Variants in LRCH3 observed in about 807,000 individuals in gnomAD.
The protein encoded by LRCH3 is DISP complex protein LRCH3.
In LRCH3, 68 loss-of-function variants were observed where a neutral mutation model predicts 104.5. The ratio of observed to expected loss-of-function variants is 0.65; its 90% CI spans 0.54 to 0.80. The LOEUF (loss-of-function observed/expected upper bound fraction) is 0.80. Ranked by LOEUF, LRCH3 falls within the 30% of genes least tolerant of loss-of-function variation. The pLI, the probability that LRCH3 is intolerant of heterozygous loss-of-function variation, is 0.00. For synonymous variants in LRCH3, 344 were observed against 361.3 expected (o/e 0.95, Z 0.54); for missense variants, 951 against 953.9 (o/e 1.00, Z 0.04).
chr3:197,820,469 T>C (rs1435545365), intron 4 of LRCH3, 39 bp downstream of exon 4: 2 of 1,327,252 alleles, frequency 1.5e-6, no homozygotes, highest in Admixed American at 3.6e-5. Flanking sequence ...AAATAATTGT[T>C]TTATTATTTT....
At chr3:197,802,583 G>A (rs1732020547) in intron 1 of LRCH3, among the ~76,000 whole-genome samples, 1 of 152,150 alleles carries the variant, frequency 6.6e-6, no homozygotes, top group Admixed American at 6.5e-5. Context: ...GAGAAGGATT[G>A]TTATTAGTTC....
chr3:197,873,393 G>T (rs1435231086), intron 19 of LRCH3, among the ~76,000 whole-genome samples: 2 of 152,114 alleles, frequency 1.3e-5, no homozygotes, highest in African/African-American at 4.8e-5. Context: ...CTTCCCTTAA[G>T]CCCATAGCCA....
In LRCH3 at chr3:197,862,438, G is replaced by A. The variant is rs1365935324; in HGVS notation, c.1717-2985G>A. Among the ~76,000 whole-genome samples the A allele has an allele frequency of 3.3e-5, 5 of 149,684 alleles. No homozygotes were observed. In the East Asian group the frequency reaches 9.7e-4, roughly 29 times the overall value. On this transcript the variant is annotated intron_variant, in intron 15 of 20. Transcript: ENST00000425562. ...ATTTCTAGTCTATGTCCTGTTAATA[G>A]GAAGTGTTTTTTAAATTTCTAGTCT...
rs1353762036 is a variant in LRCH3, at chr3:197,856,067, A to G, written c.1644+1622A>G. 6.6e-6 allele frequency among the ~76,000 whole-genome samples: 1 copy of G among 152,078 alleles called. No individual in the cohort carries two copies. The highest frequency in any genetic ancestry group is 2.4e-5 in the African/African-American group (1 of 41,394). On this transcript the variant is annotated intron_variant, in intron 14 of 20. Transcript: ENST00000425562. This position sits in a 1 kb window ranked among gnomAD's most constrained non-coding sequence, Gnocchi z 4.2. ...CAGCATTGTTTCCAGCTCTTCAAAT[A>G]TCATAAGCCCTTTCCCATCTCAGAC...
intron 4 of LRCH3, chr3:197,822,806 ATCTT>A (rs1734637202): frequency 6.7e-6 from 1 of 150,032 alleles, no homozygotes; most frequent in Admixed American, 6.6e-5. Flanking sequence ...AATATTAAGA[ATCTT>A]TTTTTTTTTT....
chr3:197,808,391 G>A (rs1732737490), intron 1 of LRCH3, among the ~76,000 whole-genome samples: 1 of 152,146 alleles, frequency 6.6e-6, no homozygotes, highest in Non-Finnish European at 1.5e-5. Flanking sequence ...GGCAGCTCTA[G>A]CAAACTCATA....
intron 17 of LRCH3, among the ~76,000 whole-genome samples, chr3:197,867,435 G>A (rs906928891): frequency 1.3e-5 from 2 of 151,904 alleles, no homozygotes; most frequent in Non-Finnish European, 2.9e-5. Flanking sequence ...TTAAAAAATA[G>A]GCCAGGCGTG....
At chr3:197,817,350 G>GTGCGTGTGTGTGTGTGTGTC (rs1171790507) in intron 3 of LRCH3, 48 bp downstream of exon 3, 1 of 147,800 alleles carries the variant, frequency 6.8e-6, no homozygotes, top group Non-Finnish European at 8.5e-6. Context: ...GTGTGTCTGT[G>GTGCGTGTGTGTGTGTGTGTC]TGTGTGTGTG....
Position 197,883,080 on chromosome 3 carries a change from AT to A in LRCH3, c.2209-460del. 2 of 986,050 alleles carry A rather than the reference AT, an allele frequency of 2.0e-6. No individual in the cohort carries two copies. The highest frequency in any genetic ancestry group is 2.4e-6 in the Non-Finnish European group (2 of 830,380). 61.1% of individuals were successfully genotyped at this position (986,050 alleles called of 1,614,324 possible). On this transcript the variant is annotated intron_variant, in intron 20 of 20. Coordinates refer to ENST00000425562, the MANE Select transcript of LRCH3 (RefSeq NM_001365715.1). This position sits in a 1 kb window ranked among gnomAD's most constrained non-coding sequence, Gnocchi z 4.2. ...GCGTAGAACTCATGCAGGCTGAGTT[AT>A]GTTTTCAAACTATCTTTCATTCTTG...
intron 4 of LRCH3, among the ~76,000 whole-genome samples, chr3:197,825,599 C>A (rs1352214644): frequency 6.7e-6 from 1 of 149,598 alleles, no homozygotes; most frequent in Non-Finnish European, 1.5e-5. Context: ...CCTGTCTCAG[C>A]CTCCCGAGTA....
intron 20 of LRCH3, chr3:197,882,085 A>G: frequency 2.0e-6 from 2 of 985,288 alleles, no homozygotes; most frequent in Non-Finnish European, 2.4e-6. Flanking sequence ...ACAGGCTCTC[A>G]TGTGGTTTAG....
intron 12 of LRCH3, among the ~76,000 whole-genome samples, chr3:197,851,383 G>T (rs1165448447): frequency 6.6e-6 from 1 of 152,150 alleles, no homozygotes; most frequent in Non-Finnish European, 1.5e-5. Flanking sequence ...AAAACTAATT[G>T]ACTTGCGTTA....
At chr3:197,835,033 A>G (rs980567410) in intron 8 of LRCH3, among the ~76,000 whole-genome samples, 2 of 152,072 alleles carry the variant, frequency 1.3e-5, no homozygotes, top group Non-Finnish European at 1.5e-5. Context: ...AATCCCAGCT[A>G]CTTGGGAGGC....
intron 1 of LRCH3, among the ~76,000 whole-genome samples, chr3:197,803,692 C>G (rs1384069892): frequency 6.6e-6 from 1 of 151,922 alleles, no homozygotes; most frequent in East Asian, 1.9e-4. Context: ...CTCCTTTACT[C>G]TAAAAGTTAT....
At chr3:197,809,238 C>T (rs1732842703) in intron 1 of LRCH3, among the ~76,000 whole-genome samples, 1 of 151,442 alleles carries the variant, frequency 6.6e-6, no homozygotes, top group African/African-American at 2.4e-5. Context: ...GTAGAGGTTG[C>T]AGTGAGCCAT....
intron 1 of LRCH3, among the ~76,000 whole-genome samples, chr3:197,813,085 A>G (rs917186758): frequency 1.3e-5 from 2 of 152,126 alleles, no homozygotes; most frequent in African/African-American, 4.8e-5. Flanking sequence ...GGTATCTTAT[A>G]GTTTTTTAAA....
At chr3:197,866,979 A>T (rs1390243690) in intron 17 of LRCH3, among the ~76,000 whole-genome samples, 1 of 152,162 alleles carries the variant, frequency 6.6e-6, no homozygotes, top group Non-Finnish European at 1.5e-5. Flanking sequence ...GTCTCTATTA[A>T]AAATACAAAA....
intron 9 of LRCH3, among the ~76,000 whole-genome samples, chr3:197,838,256 G>C (rs57623987): frequency 0.088 from 13,387 of 152,242 alleles, 2,007 homozygotes; most frequent in African/African-American, 0.3. Context: ...TCTGTCTCCA[G>C]ATAAGCAAAA....
chr3:197,805,971 G>A (rs1732439525), intron 1 of LRCH3, among the ~76,000 whole-genome samples: 2 of 151,992 alleles, frequency 1.3e-5, no homozygotes, highest in Admixed American at 1.3e-4. Flanking sequence ...TTGTTGCCCA[G>A]GCTGGAGTGT....
Sources: gnomAD v4.1 joint callset for allele counts (sites outside exome capture counted in the v4.1 genomes callset) on GRCh38, gnomAD v4.1.1 for gene constraint, Gnocchi (gnomAD v3.1) non-coding constraint, MANE v1.5 for transcripts, NCBI Gene and HGNC (gene_info 2026-07-23, HGNC 2026-07-21) for gene names.